PNO1: variants seen among roughly 807,000 people sequenced by gnomAD.
PNO1 encodes partner of NOB1 homolog.
PNO1 carries 16 observed loss-of-function variants against 28.4 expected under a neutral mutation model. The observed-to-expected ratio is 0.56, with a 90% CI of 0.38 to 0.85. The LOEUF (loss-of-function observed/expected upper bound fraction) is 0.85, where lower values mean the gene tolerates loss of function less well. PNO1 is among the 40% of genes least tolerant of loss of function. The pLI, the probability that PNO1 is intolerant of heterozygous loss-of-function variation, is 0.00. For synonymous variants in PNO1, 115 were observed against 110.8 expected, an observed-to-expected ratio of 1.04 and a Z score of -0.24; for missense variants, 304 against 312.2, an observed-to-expected ratio of 0.97 and a Z score of 0.20.
intron 5 of PNO1, chr2:68,173,108 AAGAG>A (rs1674176095): frequency 1.9e-5 from 3 of 155,826 alleles, no homozygotes; most frequent in Non-Finnish European, 3.4e-5. Context: ...TTTTTTTTTT[AAGAG>A]AGAGGGTTTT....
At chr2:68,159,247 C>CAT (rs543167478) in intron 2 of PNO1, among the ~76,000 whole-genome samples, 1 of 118,190 alleles carries the variant, frequency 8.5e-6, no homozygotes, top group Non-Finnish European at 1.7e-5. Flanking sequence ...AAGAAACATG[C>CAT]ATATATATGT....
intron 2 of PNO1, among the ~76,000 whole-genome samples, chr2:68,159,645 T>G (rs1273557202): frequency 6.6e-6 from 1 of 152,232 alleles, no homozygotes; most frequent in Non-Finnish European, 1.5e-5. Context: ...AAGGATTCTT[T>G]TACCATCATC....
intron 5 of PNO1, among the ~76,000 whole-genome samples, chr2:68,170,620 C>T (rs779816684): frequency 1.3e-5 from 2 of 151,852 alleles, no homozygotes; most frequent in Non-Finnish European, 2.9e-5. Flanking sequence ...TGGTGGTGGG[C>T]ACCTGTAGTC....
intron 4 of PNO1, 99 bp from the exon 5 acceptor site, chr2:68,162,447 T>A: frequency 3.8e-6 from 4 of 1,051,216 alleles, no homozygotes; most frequent in Non-Finnish European, 5.8e-6. Context: ...ATATACACTT[T>A]GTGTCCTTTA....
intron 5 of PNO1, among the ~76,000 whole-genome samples, chr2:68,167,774 C>T (rs757121132): frequency 6.6e-6 from 1 of 152,254 alleles, no homozygotes; most frequent in Non-Finnish European, 1.5e-5. Context: ...GTTACCCTGA[C>T]ATTTTTAAAG....
intron 5 of PNO1, among the ~76,000 whole-genome samples, chr2:68,164,211 C>G (rs978871983): frequency 3.3e-5 from 5 of 152,132 alleles, no homozygotes; most frequent in African/African-American, 1.2e-4. Flanking sequence ...AAAATATGGC[C>G]AAGCATGGTG....
intron 5 of PNO1, among the ~76,000 whole-genome samples, chr2:68,164,632 C>G (rs1167321633): frequency 1.3e-5 from 2 of 151,994 alleles, no homozygotes; most frequent in Non-Finnish European, 2.9e-5. Context: ...GGATCTCCAT[C>G]TCTACAAAAA....
intron 2 of PNO1, 43 bp downstream of exon 2, chr2:68,158,572 C>T (rs576428224): frequency 6.4e-7 from 1 of 1,551,764 alleles, no homozygotes; most frequent in African/African-American, 1.4e-5. Context: ...CAGGCTTTCT[C>T]TCCTACAGAG....
chr2:68,173,282 G>C, intron 5 of PNO1, 65 bp from the exon 6 acceptor site: 1 of 985,546 alleles, frequency 1.0e-6, no homozygotes, highest in South Asian at 1.3e-5. Flanking sequence ...CTTCCAAAGT[G>C]CTGGGATTAC....
Position 68,161,579 on chromosome 2 carries a change from A to G in PNO1, c.358-104A>G, listed in dbSNP as rs1251060666. On this transcript the variant is annotated intron_variant, in intron 2 of 6. Transcript: ENST00000263657. ...AATATATTAGGGAAAGGTGGTGGTG[A>G]AGGAAATTCTCCAATAATGGGAAAG... 24 of 738,342 alleles carry G rather than the reference A, an allele frequency of 3.3e-5. No individual in the cohort carries two copies. In the East Asian group the frequency reaches 6.0e-4, roughly 18 times the overall value. The allele number at this position is 738,342 out of a possible 1,614,324, so 45.7% of individuals were successfully genotyped here. A position where few individuals can be genotyped will look rare whatever the true frequency, so the allele number is the denominator to read the frequency against.
rs1674249558 is a variant in PNO1 at position 68,175,360 on chromosome 2, A to C, written c.*558A>C. 1.3e-5 allele frequency: 2 copies of C among 152,402 alleles called. No homozygotes were observed. Among genetic ancestry groups the C allele is most frequent in the African/African-American group, 4.8e-5 (2 of 41,444 alleles). 9.4% of individuals were successfully genotyped at this position (152,402 alleles called of 1,614,324 possible). ...CTGCAGCCTCTGCCTCCTGAGTTCAAGTGATCCTCCTGCTTCAGCCTCCCT... is the reference window on the plus strand; with the variant it reads ...CTGCAGCCTCTGCCTCCTGAGTTCACGTGATCCTCCTGCTTCAGCCTCCCT... On this transcript the variant is annotated 3_prime_UTR_variant, in exon 7 of 7. Transcript: ENST00000263657.
intron 5 of PNO1, among the ~76,000 whole-genome samples, chr2:68,163,052 T>C (rs906935212): frequency 7.9e-5 from 12 of 152,212 alleles, no homozygotes; most frequent in Non-Finnish European, 1.8e-4. Context: ...TTTGCACCCT[T>C]GTAAAGTTGA....
At chr2:68,160,596 A>G (rs1673805828) in intron 2 of PNO1, among the ~76,000 whole-genome samples, 1 of 152,216 alleles carries the variant, frequency 6.6e-6, no homozygotes, top group Admixed American at 6.5e-5. Context: ...CATATACCAG[A>G]CACACAGTGG....
Position 68,158,395 on chromosome 2 carries a change from A to C in PNO1, c.223A>C (p.Thr75Pro). ...TTATTTACAGAGTGGGAAAGAAGAA[A>C]CAAGGAAAATTCCAGTCCCAGCTAA... is the stretch of plus-strand genomic sequence containing the variant. ...GDGLLSGKEE[T>P]RKIPVPANRY... Residue 75 changes from threonine (T) to proline (P), a missense_variant, in exon 2 of 7, where the codon ACA becomes CCA. Physicochemically the swap from Thr to Pro is conservative, Grantham distance 38. Coordinates refer to ENST00000263657, the MANE Select transcript of PNO1 (RefSeq NM_020143.4). 6.2e-7 allele frequency: 1 copy of C among 1,611,372 alleles called. No homozygotes were observed. The highest frequency in any genetic ancestry group is 8.5e-7 in the Non-Finnish European group (1 of 1,179,110).
chr2:68,163,221 T>C (rs1193639227), intron 5 of PNO1, among the ~76,000 whole-genome samples: 1 of 152,168 alleles, frequency 6.6e-6, no homozygotes, highest in Non-Finnish European at 1.5e-5. Context: ...AAAGAAATTA[T>C]TACAGGTGAA....
intron 6 of PNO1, 52 bp downstream of exon 6, chr2:68,173,469 A>C (rs1259322399): frequency 8.8e-7 from 1 of 1,129,984 alleles, no homozygotes; most frequent in African/African-American, 1.5e-5. Context: ...TAGGAAGTTA[A>C]TTGAGGAAGT....
At chr2:68,174,231 C>T (rs554470912) in intron 6 of PNO1, among the ~76,000 whole-genome samples, 24 of 148,448 alleles carry the variant, frequency 1.6e-4, no homozygotes, top group African/African-American at 5.7e-4. Flanking sequence ...CAGTGCCTTT[C>T]GCTCTTAGAA....
In PNO1 at chr2:68,174,817, C is replaced by A. The variant is rs770713774; in HGVS notation, c.*15C>A. On this transcript the variant is annotated 3_prime_UTR_variant, in exon 7 of 7. Coordinates refer to ENST00000263657, the MANE Select transcript of PNO1 (RefSeq NM_020143.4). ...ATCGATTCTGATTTCAAGTCAGAGA[C>A]TTTTTATCTTGCCTTTGGACTCTGG... The A allele has an allele frequency of 1.7e-5, 26 of 1,542,118 alleles. No homozygotes were observed. The highest frequency in any genetic ancestry group is 2.3e-5 in the Non-Finnish European group (26 of 1,116,796).
Position 68,175,990 on chromosome 2 carries a change from A to G in PNO1, c.*1188A>G, listed in dbSNP as rs1674270681. 2 of 151,668 alleles carry G rather than the reference A, an allele frequency of 1.3e-5. No homozygotes were observed. Among genetic ancestry groups the G allele is most frequent in the African/African-American group, 4.9e-5 (2 of 40,930 alleles). The allele number at this position is 151,668 out of a possible 1,614,324, so 9.4% of individuals were successfully genotyped here. A position where few individuals can be genotyped will look rare whatever the true frequency, so the allele number is the denominator to read the frequency against. On this transcript the variant is annotated 3_prime_UTR_variant, in exon 7 of 7. Coordinates refer to ENST00000263657, the MANE Select transcript of PNO1 (RefSeq NM_020143.4). ...GAAGATTACATTGAAAGTGAAAAACAGAATGGTTGGGTACTTGAAATACAG... is the reference window on the plus strand; with the variant it reads ...GAAGATTACATTGAAAGTGAAAAACGGAATGGTTGGGTACTTGAAATACAG...
Sources: allele counts gnomAD v4.1 joint callset (sites outside exome capture counted in the v4.1 genomes callset), GRCh38; gene constraint gnomAD v4.1.1; transcripts MANE v1.5; gene names NCBI Gene and HGNC (gene_info 2026-07-23, HGNC 2026-07-21).